The following SORCS1 variants were observed in gnomAD, a reference collection of about 807,000 sequenced individuals.
SORCS1 encodes the protein VPS10 domain-containing receptor SorCS1.
A neutral mutation model predicts 146.1 loss-of-function variants in SORCS1; 60 were observed. The ratio of observed to expected loss-of-function variants is 0.41; its 90% confidence interval spans 0.33 to 0.51. The LOEUF (loss-of-function observed/expected upper bound fraction) is 0.51. Ranked by LOEUF, SORCS1 falls within the 20% of genes least tolerant of loss-of-function variation. The pLI is 0.21. For synonymous variants in SORCS1, 637 were observed against 584.0 expected (o/e 1.09, Z -1.31); for missense variants, 1,352 against 1,487.6 (o/e 0.91, Z 1.50).
At chr10:107,056,934 T>C (rs1960697192) in intron 1 of SORCS1, among the ~76,000 whole-genome samples, 1 of 152,264 alleles carries the variant, frequency 6.6e-6, no homozygotes, top group Non-Finnish European at 1.5e-5. Context: ...TATTTATGCC[T>C]GTCCCCCTTT....
chr10:106,765,694 G>A (rs1859516651), intron 4 of SORCS1, among the ~76,000 whole-genome samples: 1 of 151,818 alleles, frequency 6.6e-6, no homozygotes, highest in East Asian at 1.9e-4. Context: ...ATGAGAGAAG[G>A]GTAGCAGCCA....
chr10:106,644,976 T>C (rs1849317570), intron 18 of SORCS1, among the ~76,000 whole-genome samples: 1 of 152,114 alleles, frequency 6.6e-6, no homozygotes, highest in African/African-American at 2.4e-5. Context: ...TTCTGATGAG[T>C]ATATACTTAA....
At chr10:106,711,724 A>G (rs1011319642) in intron 6 of SORCS1, among the ~76,000 whole-genome samples, 15 of 152,052 alleles carry the variant, frequency 9.9e-5, no homozygotes, top group African/African-American at 3.4e-4. Context: ...TTCCTTCCTC[A>G]TCTCCTTTTT....
Position 106,624,352 on chromosome 10 carries a change from T to TA in SORCS1, c.2663-3792_2663-3791insT, listed in dbSNP as rs1409060879. The stretch of plus-strand genomic sequence containing the variant: ...CACGTTTTGGTCAATGACGATTTTT[T>TA]TTTTTTTTTTTTTTTTTTTTTTTTT... On this transcript the variant is annotated intron_variant, in intron 19 of 25. Transcript: ENST00000263054. Among the ~76,000 whole-genome samples the TA allele has an allele frequency of 1.3e-3, 2 of 1,536 alleles. 1 individual carries two copies. 1.0% of individuals were successfully genotyped at this position (1,536 alleles called of 152,430 possible).
intron 1 of SORCS1, among the ~76,000 whole-genome samples, chr10:107,001,327 C>T (rs1190151908): frequency 6.6e-6 from 1 of 152,116 alleles, no homozygotes; most frequent in Non-Finnish European, 1.5e-5. Flanking sequence ...TGGGAGGACT[C>T]TTGGCCAGGG....
chr10:106,673,618 A>C (rs1851781066), intron 14 of SORCS1, among the ~76,000 whole-genome samples: 1 of 152,240 alleles, frequency 6.6e-6, no homozygotes, highest in Non-Finnish European at 1.5e-5. Context: ...TGAGAAAAAC[A>C]ATCATAAATG....
chr10:106,658,634 T>G (rs528281040), intron 17 of SORCS1, among the ~76,000 whole-genome samples: 71 of 152,312 alleles, frequency 4.7e-4, no homozygotes, highest in Middle Eastern at 3.4e-3. Context: ...TAATTCTTGA[T>G]AGAGTATGTG....
At chr10:106,758,232 A>G (rs1442381937) in intron 5 of SORCS1, among the ~76,000 whole-genome samples, 1 of 152,220 alleles carries the variant, frequency 6.6e-6, no homozygotes, top group Non-Finnish European at 1.5e-5. Flanking sequence ...CACTGGCGGA[A>G]GCAGTGGTGA....
chr10:107,174,866 G>A, the SORCS1 span, among the ~76,000 whole-genome samples: 2 of 152,094 alleles, frequency 1.3e-5, no homozygotes, highest in Non-Finnish European at 2.9e-5. Flanking sequence ...AAGAGCAGGG[G>A]GAAAGGTTTT....
At chr10:106,730,928 C>T (rs184813541) in intron 5 of SORCS1, among the ~76,000 whole-genome samples, 73 of 152,210 alleles carry the variant, frequency 4.8e-4, no homozygotes, top group Non-Finnish European at 9.4e-4. Flanking sequence ...CAGAAAACAG[C>T]GAAATGCCTC....
chr10:106,673,046 CAG>C lies in SORCS1; in HGVS notation c.1941-63_1941-62del, dbSNP rs369216300. ...ATAACAATGTAATGAGTAATAACAACAGAGAGCATTTGTGGGGCGTTCACCCT... is the reference window on the plus strand; with the variant it reads ...ATAACAATGTAATGAGTAATAACAACAGAGCATTTGTGGGGCGTTCACCCT... On this transcript the variant is annotated intron_variant, in intron 14 of 25. Coordinates refer to ENST00000263054, the MANE Select transcript of SORCS1 (RefSeq NM_052918.5). 2.2e-4 allele frequency: 296 copies of C among 1,373,994 alleles called. 1 individual carries two copies. The East Asian group carries it at 6.2e-3, about 29-fold the overall frequency. 85.1% of individuals were successfully genotyped at this position (1,373,994 alleles called of 1,614,324 possible).
chr10:107,054,341 A>T (rs1212451690), intron 1 of SORCS1, among the ~76,000 whole-genome samples: 5 of 152,138 alleles, frequency 3.3e-5, no homozygotes, highest in Admixed American at 6.6e-5. Flanking sequence ...ACATTTTTTT[A>T]AAAAAGGTAT....
chr10:106,905,821 G>C (rs2138141075), intron 2 of SORCS1, among the ~76,000 whole-genome samples: 1 of 152,318 alleles, frequency 6.6e-6, no homozygotes, highest in South Asian at 2.1e-4. Flanking sequence ...TCGCATGTCT[G>C]CTAACTCTAT....
intron 3 of SORCS1, among the ~76,000 whole-genome samples, chr10:106,786,263 G>A (rs1946050118): frequency 6.6e-6 from 1 of 152,206 alleles, no homozygotes; most frequent in African/African-American, 2.4e-5. Flanking sequence ...GGGAAAAGCT[G>A]AGCTGAGTAG....
intron 1 of SORCS1, among the ~76,000 whole-genome samples, chr10:106,998,800 A>G (rs1957099274): frequency 6.6e-6 from 1 of 152,232 alleles, no homozygotes; most frequent in Non-Finnish European, 1.5e-5. Context: ...TCTCTGATAC[A>G]CTGAGCTCCA....
At chr10:107,035,915 A>C (rs1564955099) in intron 1 of SORCS1, among the ~76,000 whole-genome samples, 2 of 149,020 alleles carry the variant, frequency 1.3e-5, no homozygotes, top group Non-Finnish European at 3.0e-5. Context: ...ATATATAAAA[A>C]TATATATTAT....
chr10:106,891,501 A>ATTGTTTTTTTTTTTTTTTTTTTTTTTT (rs562213104), intron 2 of SORCS1, among the ~76,000 whole-genome samples: 1 of 74,066 alleles, frequency 1.4e-5, no homozygotes, highest in Non-Finnish European at 2.9e-5. Flanking sequence ...TTCAATGGGA[A>ATTGTTTTTTTTTTTTTTTTTTTTTTTT]TTCTTTTTTT....
At position 107,108,362 on chromosome 10, in the gene SORCS1, G is replaced by C. The variant is rs190716467; in HGVS notation, c.558+55607C>G. 2.6e-5 allele frequency among the ~76,000 whole-genome samples: 4 copies of C among 152,154 alleles called. No individual in the cohort carries two copies. In the East Asian group the frequency reaches 7.7e-4, roughly 29 times the overall value. On this transcript the variant is annotated intron_variant, in intron 1 of 25. Coordinates refer to ENST00000263054, the MANE Select transcript of SORCS1 (RefSeq NM_052918.5). ...TGGTGCTGGCATCTGCTTGGCTTCT[G>C]GTGAAGCCTCAAGGAGCTTTCAATC...
intron 2 of SORCS1, among the ~76,000 whole-genome samples, chr10:106,908,069 G>A (rs1951988897): frequency 6.6e-6 from 1 of 152,012 alleles, no homozygotes; most frequent in Non-Finnish European, 1.5e-5. Context: ...CCATTTTTCT[G>A]GGTAGAGATC....
Sources: allele counts gnomAD v4.1 joint callset (sites outside exome capture counted in the v4.1 genomes callset), GRCh38; gene constraint gnomAD v4.1.1; transcripts MANE v1.5; gene names NCBI Gene and HGNC (gene_info 2026-07-23, HGNC 2026-07-21).